Variants in KCNK10 observed in about 807,000 individuals in gnomAD.
KCNK10 encodes the protein potassium two pore domain channel subfamily K member 10.
In KCNK10, 25 loss-of-function variants were observed where a neutral mutation model predicts 47.7. That is an observed-to-expected ratio of 0.52 (90% CI 0.38 to 0.73). The LOEUF is 0.73. Among genes scored for constraint, KCNK10 ranks in the 30% least tolerant of loss-of-function variants. The probability of loss-of-function intolerance (pLI) is 0.00; values close to 1 mark genes in which losing one functional copy is unlikely to be tolerated. For synonymous variants in KCNK10, 303 were observed against 285.6 expected, an observed-to-expected ratio of 1.06 and a Z score of -0.61; for missense variants, 563 against 714.5, an observed-to-expected ratio of 0.79 and a Z score of 2.42.
At chr14:88,211,033 C>T (rs1885440881) in intron 4 of KCNK10, among the ~76,000 whole-genome samples, 1 of 152,088 alleles carries the variant, frequency 6.6e-6, no homozygotes, top group Admixed American at 6.5e-5. Context: ...AAAACAGGGA[C>T]TTGAATAGAT....
In KCNK10 at chr14:88,185,678, T is replaced by C. The variant is rs753814656; in HGVS notation, c.1489A>G (p.Lys497Glu). 26 of 1,614,072 alleles carry C rather than the reference T, an allele frequency of 1.6e-5. No homozygotes were observed. The Admixed American group carries it at 4.0e-4, about 25-fold the overall frequency. The stretch of plus-strand genomic sequence containing the variant: ...CTGGAGTTGTCTGAGTTACACATCT[T>C]TTCCGTCTCCTCCTCTTTCTTCTCC... ...DEEKKEEETE[K>E]MCNSDNSSTA... The change falls in exon 7 of 7, where the codon AAG becomes GAG. Residue 497 changes from lysine to glutamate, a missense_variant. Physicochemically the swap from Lys to Glu is moderately conservative, Grantham distance 56 (BLOSUM62 1). Transcript: ENST00000319231. This position sits in a 1 kb window ranked among gnomAD's most constrained non-coding sequence, Gnocchi z 4.3.
In KCNK10 at chr14:88,286,363, T is replaced by C. The variant is rs185441238; in HGVS notation, c.53-22812A>G. On this transcript the variant is annotated intron_variant, in intron 1 of 6. Coordinates refer to ENST00000319231, the MANE Select transcript of KCNK10 (RefSeq NM_138317.3). ...ATAAGTTGGGATGGCTATGCAGCAATCCCAACTTATTGCTGCATCTATATT... is the reference window on the plus strand; with the variant it reads ...ATAAGTTGGGATGGCTATGCAGCAACCCCAACTTATTGCTGCATCTATATT... Among the ~76,000 whole-genome samples the C allele has an allele frequency of 8.9e-4, 136 of 152,230 alleles. 1 individual carries two copies. The highest frequency in any genetic ancestry group is 3.4e-3 in the Middle Eastern group (1 of 294).
At position 88,188,071 on chromosome 14, in the gene KCNK10, G is replaced by A; in HGVS notation, c.907C>T (p.Pro303Ser). The A allele has an allele frequency of 6.2e-7, 1 of 1,614,212 alleles. No individual in the cohort carries two copies. The highest frequency in any genetic ancestry group is 1.7e-5 in the Admixed American group (1 of 60,030). ...AGINYREWYK[P>S]LVWFWILVGL... Reference sequence around the variant, plus strand: ...ACAAGGATCCAAAACCACACTAGGGGCTTATACCACTCCCGATAATTGATG... The same window carrying A: ...ACAAGGATCCAAAACCACACTAGGGACTTATACCACTCCCGATAATTGATG... Residue 303 changes from proline (P) to serine (S), a missense_variant, in exon 6 of 7, where the codon CCC becomes TCC. Pro to Ser is a moderately conservative substitution (Grantham distance 74). Transcript: ENST00000319231.
chr14:88,203,421 G>C (rs61975823), intron 4 of KCNK10, among the ~76,000 whole-genome samples: 33,043 of 152,196 alleles, frequency 0.22, 4,673 homozygotes, highest in Non-Finnish European at 0.31. Flanking sequence ...ACTCCTGGAG[G>C]TCAGGGCAAG....
chr14:88,200,561 A>G (rs1054111753), intron 4 of KCNK10, among the ~76,000 whole-genome samples: 8 of 152,234 alleles, frequency 5.3e-5, no homozygotes, highest in African/African-American at 1.9e-4. Flanking sequence ...AGAAGGAAAT[A>G]CAGCTTTATA....
At chr14:88,271,033 T>G (rs1887395137) in intron 1 of KCNK10, 1 of 517,530 alleles carries the variant, frequency 1.9e-6, no homozygotes, top group Non-Finnish European at 3.4e-6. Flanking sequence ...CGCTCACACC[T>G]GTCCCAGAGA....
At chr14:88,204,791 C>A (rs945058770) in intron 4 of KCNK10, among the ~76,000 whole-genome samples, 7 of 152,078 alleles carry the variant, frequency 4.6e-5, no homozygotes, top group Non-Finnish European at 7.4e-5. Context: ...ACAGAGATCT[C>A]CCATATAGCC....
At chr14:88,221,591 T>C (rs1885810670) in intron 4 of KCNK10, among the ~76,000 whole-genome samples, 1 of 152,220 alleles carries the variant, frequency 6.6e-6, no homozygotes, top group African/African-American at 2.4e-5. Flanking sequence ...CTGTCATTCA[T>C]TGCTGGTGGA....
chr14:88,231,832 G>T (rs538270819), intron 3 of KCNK10, among the ~76,000 whole-genome samples: 4 of 152,304 alleles, frequency 2.6e-5, no homozygotes, highest in African/African-American at 9.6e-5. Flanking sequence ...CTCAGCACAA[G>T]AAAAACCTTC....
chr14:88,239,440 G>T (rs746226075), intron 3 of KCNK10, among the ~76,000 whole-genome samples: 1 of 152,154 alleles, frequency 6.6e-6, no homozygotes, highest in Non-Finnish European at 1.5e-5. Flanking sequence ...TTTAAAAGAT[G>T]ATGTCCACCA....
intron 4 of KCNK10, among the ~76,000 whole-genome samples, chr14:88,201,297 A>G (rs1185398056): frequency 2.0e-5 from 3 of 152,152 alleles, no homozygotes. Flanking sequence ...TTATTCATCT[A>G]TCACTTATTT....
intron 4 of KCNK10, among the ~76,000 whole-genome samples, chr14:88,211,663 C>T (rs777010015): frequency 1.3e-5 from 2 of 151,694 alleles, no homozygotes; most frequent in African/African-American, 2.4e-5. Flanking sequence ...TTTGGGAGGC[C>T]GAGGCAGGTG....
intron 1 of KCNK10, among the ~76,000 whole-genome samples, chr14:88,282,204 G>A (rs891901148): frequency 2.6e-5 from 4 of 152,176 alleles, no homozygotes; most frequent in African/African-American, 9.7e-5. Context: ...AGGAATCATA[G>A]ATATCAACTA....
chr14:88,310,602 A>G (rs1566721631), intron 1 of KCNK10, among the ~76,000 whole-genome samples: 1 of 152,150 alleles, frequency 6.6e-6, no homozygotes, highest in Non-Finnish European at 1.5e-5. Flanking sequence ...TTATTGCCTG[A>G]GCAGCAGGCA....
intron 5 of KCNK10, among the ~76,000 whole-genome samples, chr14:88,190,019 C>A (rs1454890356): frequency 6.6e-6 from 1 of 152,120 alleles, no homozygotes; most frequent in African/African-American, 2.4e-5. Flanking sequence ...CTGACAAGGG[C>A]AGTAAAACTG....
At chr14:88,284,707 A>T (rs2139775665) in intron 1 of KCNK10, among the ~76,000 whole-genome samples, 1 of 152,136 alleles carries the variant, frequency 6.6e-6, no homozygotes, top group South Asian at 2.1e-4. Context: ...AGCCAAGGGG[A>T]TGGTGCCCAC....
chr14:88,242,987 CA>C (rs1048834050), intron 2 of KCNK10, among the ~76,000 whole-genome samples: 1 of 152,150 alleles, frequency 6.6e-6, no homozygotes, highest in African/African-American at 2.4e-5. Context: ...CTGAGAATTG[CA>C]CACAAATGTC....
chr14:88,191,340 A>AACACACACACACACACACAC (rs56194944), intron 5 of KCNK10, among the ~76,000 whole-genome samples: 241 of 150,058 alleles, frequency 1.6e-3, no homozygotes, highest in East Asian at 5.4e-3. Context: ...TGGTAAAGGA[A>AACACACACACACACACACAC]ACACACACAC....
chr14:88,291,482 A>G (rs1369627674), intron 1 of KCNK10, among the ~76,000 whole-genome samples: 1 of 152,220 alleles, frequency 6.6e-6, no homozygotes, highest in Non-Finnish European at 1.5e-5. Context: ...AAAAGAACAC[A>G]TAGCATTGCA....
Sources: allele counts gnomAD v4.1 joint callset (sites outside exome capture counted in the v4.1 genomes callset), GRCh38; gene constraint gnomAD v4.1.1; non-coding constraint Gnocchi (gnomAD v3.1); transcripts MANE v1.5; gene names NCBI Gene and HGNC (gene_info 2026-07-23, HGNC 2026-07-21).